INPP5F: variants seen among roughly 807,000 people sequenced by gnomAD.
INPP5F encodes the protein inositol polyphosphate-5-phosphatase F.
INPP5F carries 97 observed loss-of-function variants against 137.2 expected under a neutral mutation model. That is an observed-to-expected ratio of 0.71 (90% CI 0.60 to 0.84). The LOEUF (loss-of-function observed/expected upper bound fraction) is 0.84. Ranked by LOEUF, INPP5F falls within the 40% of genes least tolerant of loss-of-function variation. The pLI is 0.00. For missense variants in INPP5F, 1,271 were observed against 1,371.9 expected (o/e 0.93, Z 1.16); for synonymous variants, 504 against 476.9 (o/e 1.06, Z -0.74).
At chr10:119,754,718 C>T (rs1008342850) in intron 2 of INPP5F, among the ~76,000 whole-genome samples, 1 of 151,956 alleles carries the variant, frequency 6.6e-6, no homozygotes, top group Non-Finnish European at 1.5e-5. Context: ...CAACCCTCTC[C>T]ATGTCACTCT....
intron 2 of INPP5F, chr10:119,768,570 A>T (rs1849244778): frequency 1.3e-5 from 2 of 152,210 alleles, no homozygotes; most frequent in Admixed American, 1.3e-4. Context: ...AAAGGAAAAA[A>T]ATTATGAATT....
chr10:119,771,392 C>A (rs1849330331), intron 2 of INPP5F, among the ~76,000 whole-genome samples: 1 of 147,946 alleles, frequency 6.8e-6, no homozygotes, highest in Non-Finnish European at 1.5e-5. Context: ...GCAGAAGGAG[C>A]TTTTTTTTTT....
chr10:119,766,325 G>T (rs1238166452), intron 2 of INPP5F, among the ~76,000 whole-genome samples: 1 of 152,102 alleles, frequency 6.6e-6, no homozygotes, highest in Non-Finnish European at 1.5e-5. Context: ...CTAGCAATCT[G>T]GGCATCCCTT....
intron 9 of INPP5F, among the ~76,000 whole-genome samples, chr10:119,800,879 A>G (rs1314907314): frequency 6.6e-6 from 1 of 150,868 alleles, no homozygotes; most frequent in Non-Finnish European, 1.5e-5. Context: ...GAGCCCAGGA[A>G]GCGGAGGTTG....
Position 119,726,064 on chromosome 10 carries a change from G to T in INPP5F, c.-199G>T, listed in dbSNP as rs1325332505. On this transcript the variant is annotated 5_prime_UTR_variant, in exon 1 of 20. Coordinates refer to ENST00000650623, the MANE Select transcript of INPP5F (RefSeq NM_014937.4). ...GGAGCGGGGGGGAGAGGCCTCTACGGCCGCCGCTGCCGCCGCCGCTGCCGG... is the reference window on the plus strand; with the variant it reads ...GGAGCGGGGGGGAGAGGCCTCTACGTCCGCCGCTGCCGCCGCCGCTGCCGG... The T allele has an allele frequency of 1.6e-5, 6 of 364,976 alleles. No homozygotes were observed. The highest frequency in any genetic ancestry group is 2.9e-5 in the Non-Finnish European group (6 of 205,514). The allele number at this position is 364,976 out of a possible 1,614,324, so 22.6% of individuals were successfully genotyped here.
chr10:119,773,270 T>G (rs1849422614), intron 2 of INPP5F, among the ~76,000 whole-genome samples: 1 of 151,560 alleles, frequency 6.6e-6, no homozygotes, highest in African/African-American at 2.4e-5. Flanking sequence ...TTGCCCAGGC[T>G]AGGCTCAAAC....
intron 9 of INPP5F, among the ~76,000 whole-genome samples, chr10:119,803,091 AT>A (rs1850649600): frequency 6.6e-6 from 1 of 151,526 alleles, no homozygotes; most frequent in Admixed American, 6.6e-5. Context: ...TTTATGCATT[AT>A]TGGTTTTTAT....
intron 2 of INPP5F, among the ~76,000 whole-genome samples, chr10:119,774,438 G>A (rs1248831976): frequency 6.6e-6 from 1 of 151,396 alleles, no homozygotes; most frequent in African/African-American, 2.4e-5. Context: ...TGAAAGTTCT[G>A]TGGTGCTTTT....
intron 1 of INPP5F, among the ~76,000 whole-genome samples, chr10:119,729,874 C>T (rs1848004644): frequency 6.6e-6 from 1 of 151,886 alleles, no homozygotes; most frequent in Non-Finnish European, 1.5e-5. Flanking sequence ...CATGAGCCAC[C>T]ACACTGGGCT....
intron 2 of INPP5F, among the ~76,000 whole-genome samples, chr10:119,776,272 A>C (rs992937119): frequency 9.2e-5 from 14 of 152,196 alleles, no homozygotes; most frequent in African/African-American, 3.4e-4. Context: ...GGCATATTGA[A>C]TATCTGTAAC....
intron 2 of INPP5F, among the ~76,000 whole-genome samples, chr10:119,768,730 G>A (rs1389131878): frequency 6.6e-6 from 1 of 152,140 alleles, no homozygotes; most frequent in East Asian, 1.9e-4. Flanking sequence ...GTAGTGTGCA[G>A]TATTAGAGCA....
At chr10:119,819,415 T>C (rs185732012) in intron 15 of INPP5F, 217 of 1,475,662 alleles carry the variant, frequency 1.5e-4, no homozygotes, top group Admixed American at 2.1e-4. Flanking sequence ...GATGTAAATA[T>C]TAATGCCAAA....
intron 3 of INPP5F, among the ~76,000 whole-genome samples, chr10:119,782,965 G>A (rs1484512335): frequency 6.6e-6 from 1 of 152,142 alleles, no homozygotes; most frequent in Admixed American, 6.5e-5. Flanking sequence ...AAATGTCACT[G>A]GAAGTTTGAC....
chr10:119,821,597 TG>T (rs893999637), intron 16 of INPP5F, among the ~76,000 whole-genome samples: 1 of 152,262 alleles, frequency 6.6e-6, no homozygotes, highest in African/African-American at 2.4e-5. Context: ...AGATGCCTGT[TG>T]GCATATATCA....
chr10:119,827,092 G>A lies in INPP5F; in HGVS notation c.2711G>A (p.Arg904Gln). 2 of 1,614,102 alleles carry A rather than the reference G, an allele frequency of 1.2e-6. No individual in the cohort carries two copies. The highest frequency in any genetic ancestry group is 1.1e-5 in the South Asian group (1 of 91,076). ...GCCTCAGCGCCTCGATTGGGCAGTC[G>A]GTCCCAGTCTCTTAGCAGCACAGAT... is the stretch of plus-strand genomic sequence containing the variant. ...IIASAPRLGSRSQSLSSTDSS... is the reference protein window; with the variant it reads ...IIASAPRLGSQSQSLSSTDSS... Residue 904 changes from arginine (R) to glutamine (Q), a missense_variant, in exon 20 of 20, where the codon CGG becomes CAG. By Grantham distance (43) the Arg-to-Gln change is conservative (BLOSUM62 1). This residue lies in a region of INPP5F where 490 missense variants were observed against 443.7 expected (regional missense o/e 1.10). Transcript: ENST00000650623.
At chr10:119,760,641 G>A (rs545808797) in intron 2 of INPP5F, among the ~76,000 whole-genome samples, 1 of 152,194 alleles carries the variant, frequency 6.6e-6, no homozygotes, top group African/African-American at 2.4e-5. Context: ...GGAGATTCTC[G>A]ATAAATTTGT....
At chr10:119,785,569 A>AGAGAGAGAGAGAGAGAGAGACT (rs1849873696) in intron 3 of INPP5F, among the ~76,000 whole-genome samples, 1 of 151,184 alleles carries the variant, frequency 6.6e-6, no homozygotes, top group South Asian at 2.1e-4. Flanking sequence ...AGAGAGAGAG[A>AGAGAGAGAGAGAGAGAGAGACT]GAGAGAGAGA....
At chr10:119,800,832 C>T (rs1168104156) in intron 9 of INPP5F, among the ~76,000 whole-genome samples, 2 of 151,648 alleles carry the variant, frequency 1.3e-5, no homozygotes, top group African/African-American at 4.8e-5. Flanking sequence ...CACCTGTAGT[C>T]CCAGCTACTC....
chr10:119,827,428 T>G lies in INPP5F; in HGVS notation c.3047T>G (p.Val1016Gly). ...CCTTCTCGGCCATCGCAATTAGATG[T>G]CTCTCTTTCTGCAACAGGCCCACAG... is the stretch of plus-strand genomic sequence containing the variant. Reference protein sequence around the residue: ...QTPSRPSQLDVSLSATGPQFL... With the variant: ...QTPSRPSQLDGSLSATGPQFL... Residue 1016 changes from valine to glycine, a missense_variant, in exon 20 of 20, where the codon GTC becomes GGC. By Grantham distance (109) the Val-to-Gly change is moderately radical. Around this residue, in one of 6 missense-constraint regions of INPP5F, gnomAD observed 490 missense variants for 443.7 expected, o/e 1.10. Transcript: ENST00000650623. 1 of 1,614,136 alleles carries G rather than the reference T, an allele frequency of 6.2e-7. No homozygotes were observed. The highest frequency in any genetic ancestry group is 8.5e-7 in the Non-Finnish European group (1 of 1,180,022).
Sources: allele counts gnomAD v4.1 joint callset (sites outside exome capture counted in the v4.1 genomes callset), GRCh38; gene constraint gnomAD v4.1.1; regional missense constraint gnomAD v4.1.1; transcripts MANE v1.5; gene names NCBI Gene and HGNC (gene_info 2026-07-23, HGNC 2026-07-21).